PEPD: variants seen among roughly 807,000 people sequenced by gnomAD.
The protein encoded by PEPD is peptidase D, also known as xaa-Pro dipeptidase.
Under a neutral mutation model 60.7 loss-of-function variants are expected in PEPD, and 53 were observed. That is an observed-to-expected ratio of 0.87 (90% CI 0.70 to 1.10). The LOEUF is 1.10. Ranked by LOEUF, PEPD falls within the 50% of genes least tolerant of loss-of-function variation. The pLI, the probability that PEPD is intolerant of heterozygous loss-of-function variation, is 0.00. For synonymous variants in PEPD, 267 were observed against 284.1 expected (o/e 0.94, Z 0.60); for missense variants, 711 against 711.9 (o/e 1.00, Z 0.01).
intron 7 of PEPD, among the ~76,000 whole-genome samples, chr19:33,472,212 C>CA (rs1462290944): frequency 2.0e-5 from 3 of 151,172 alleles, no homozygotes; most frequent in African/African-American, 7.3e-5. Flanking sequence ...CCTGTAGTCT[C>CA]AGCTACTCGG....
chr19:33,499,425 CT>C (rs1344878629), intron 4 of PEPD, among the ~76,000 whole-genome samples: 1 of 152,186 alleles, frequency 6.6e-6, no homozygotes, highest in Non-Finnish European at 1.5e-5. Flanking sequence ...ATGTGGTCAC[CT>C]CCTGCACTGG....
intron 4 of PEPD, among the ~76,000 whole-genome samples, chr19:33,495,169 T>C (rs564058460): frequency 2.0e-5 from 3 of 151,740 alleles, no homozygotes; most frequent in South Asian, 4.2e-4. Flanking sequence ...TTAGCAATTA[T>C]AAATAACGCT....
chr19:33,423,028 C>T (rs139423703), intron 9 of PEPD, among the ~76,000 whole-genome samples: 1 of 152,102 alleles, frequency 6.6e-6, no homozygotes, highest in East Asian at 2.0e-4. Flanking sequence ...AGCCATCATC[C>T]TATCTATCCA....
chr19:33,396,429 C>T (rs1022398728), intron 12 of PEPD, among the ~76,000 whole-genome samples: 1 of 152,200 alleles, frequency 6.6e-6, no homozygotes, highest in African/African-American at 2.4e-5. Flanking sequence ...GCCCCTCTCT[C>T]GCCCCGTCAG....
chr19:33,430,301 C>T (rs937745575), intron 9 of PEPD, among the ~76,000 whole-genome samples: 2 of 152,252 alleles, frequency 1.3e-5, no homozygotes, highest in East Asian at 3.9e-4. Flanking sequence ...AGGAGTTTAC[C>T]CCAAGGACAC....
intron 7 of PEPD, among the ~76,000 whole-genome samples, chr19:33,470,014 C>T (rs1171631556): frequency 6.6e-6 from 1 of 151,996 alleles, no homozygotes; most frequent in African/African-American, 2.4e-5. Flanking sequence ...CCACCGTGCC[C>T]CCATCTCAAT....
chr19:33,396,851 G>T (rs997794837), intron 12 of PEPD, among the ~76,000 whole-genome samples: 2 of 152,116 alleles, frequency 1.3e-5, no homozygotes, highest in Non-Finnish European at 2.9e-5. Context: ...CTGAGCCCGC[G>T]GGACAGGGAC....
At chr19:33,488,924 G>A (rs1600156286) in intron 6 of PEPD, among the ~76,000 whole-genome samples, 1 of 151,992 alleles carries the variant, frequency 6.6e-6, no homozygotes, top group South Asian at 2.1e-4. Context: ...TCCCAAAGTT[G>A]GGGCTGGGAG....
intron 12 of PEPD, among the ~76,000 whole-genome samples, chr19:33,395,719 G>C (rs907647234): frequency 7.2e-5 from 11 of 152,236 alleles, no homozygotes; most frequent in Non-Finnish European, 1.6e-4. Context: ...TCCCGGGCCT[G>C]ACCGAGCTAC....
rs763751623 is a variant in PEPD at position 33,459,498 on chromosome 19, C to T, written c.671+3497G>A. Among the ~76,000 whole-genome samples the T allele has an allele frequency of 6.6e-5, 10 of 152,288 alleles. No homozygotes were observed. The East Asian group carries it at 1.2e-3, about 18-fold the overall frequency. On this transcript the variant is annotated intron_variant, in intron 9 of 14. Coordinates refer to ENST00000244137, the MANE Select transcript of PEPD (RefSeq NM_000285.4). ...CATGAAATAATAGGAGGCGGAAAAA[C>T]GGATGGCCTGATTGGGCCTGCTGTT...
intron 14 of PEPD, 111 bp from the exon 15 acceptor site, chr19:33,387,592 C>G: frequency 7.1e-7 from 1 of 1,406,910 alleles, no homozygotes. Context: ...AGCTGACACT[C>G]CCTGGGAGAC....
In PEPD at chr19:33,452,932, A is replaced by C. The variant is rs1969723388; in HGVS notation, c.671+10063T>G. Among the ~76,000 whole-genome samples the C allele has an allele frequency of 5.3e-5, 8 of 152,314 alleles. No homozygotes were observed. In the South Asian group the frequency reaches 1.7e-3, roughly 32 times the overall value. ...GGGGTGCTTCCCAAAACATGATCTC[A>C]AAAACCTTGGTCTCAAAATATGGCT... is the stretch of plus-strand genomic sequence containing the variant. On this transcript the variant is annotated intron_variant, in intron 9 of 14. Transcript: ENST00000244137.
chr19:33,453,345 A>AAATAAATAAATAAATAAGC (rs1568479483), intron 9 of PEPD, among the ~76,000 whole-genome samples: 1 of 102,774 alleles, frequency 9.7e-6, no homozygotes, highest in African/African-American at 5.4e-5. Context: ...AATAAATAAA[A>AAATAAATAAATAAATAAGC]AAGCAACAAC....
In PEPD at chr19:33,520,050, GC is replaced by G. The variant is rs573438287; in HGVS notation, c.17+1693del. 5.6e-4 allele frequency among the ~76,000 whole-genome samples: 84 copies of G among 149,386 alleles called. 1 individual carries two copies. The highest frequency in any genetic ancestry group is 6.9e-3 in the Middle Eastern group (2 of 290). ...TTGCACTCCAGACTGGGCAACAAGA[GC>G]AAAACTACGTCTCAAAAAAAAAAAA... On this transcript the variant is annotated intron_variant, in intron 1 of 14. Transcript: ENST00000244137.
chr19:33,422,438 C>A (rs1479458779), intron 9 of PEPD, among the ~76,000 whole-genome samples: 2 of 149,362 alleles, frequency 1.3e-5, no homozygotes, highest in Non-Finnish European at 3.0e-5. Context: ...CATCTACCTA[C>A]CTATAATCTA....
intron 7 of PEPD, among the ~76,000 whole-genome samples, chr19:33,476,769 T>A (rs532524166): frequency 6.6e-6 from 1 of 152,160 alleles, no homozygotes; most frequent in Non-Finnish European, 1.5e-5. Flanking sequence ...GTTCACACCA[T>A]TCTCCTGCCT....
intron 3 of PEPD, among the ~76,000 whole-genome samples, chr19:33,502,238 G>C (rs1360110351): frequency 6.6e-6 from 1 of 152,180 alleles, no homozygotes; most frequent in Non-Finnish European, 1.5e-5. Flanking sequence ...TCATCACACG[G>C]GCTCTATCCC....
intron 9 of PEPD, among the ~76,000 whole-genome samples, chr19:33,430,419 T>C (rs959277493): frequency 2.6e-5 from 4 of 152,102 alleles, no homozygotes; most frequent in African/African-American, 9.7e-5. Flanking sequence ...TGGATTATGA[T>C]GCAGCCCCAG....
At chr19:33,471,689 G>C (rs1970123073) in intron 7 of PEPD, among the ~76,000 whole-genome samples, 1 of 152,218 alleles carries the variant, frequency 6.6e-6, no homozygotes, top group Non-Finnish European at 1.5e-5. Flanking sequence ...TCATGGCTCA[G>C]GACAGGATGA....
Sources: gnomAD v4.1 joint callset for allele counts (sites outside exome capture counted in the v4.1 genomes callset) on GRCh38, gnomAD v4.1.1 for gene constraint, MANE v1.5 for transcripts, NCBI Gene and HGNC (gene_info 2026-07-23, HGNC 2026-07-21) for gene names.